The following PRKG1 variants were observed in gnomAD, a reference collection of about 807,000 sequenced individuals.
PRKG1 encodes the protein protein kinase cGMP-dependent 1.
In PRKG1, 35 loss-of-function variants were observed where a neutral mutation model predicts 88.1. The observed-to-expected ratio is 0.40, with a 90% CI of 0.30 to 0.53. The LOEUF is 0.53. Among genes scored for constraint, PRKG1 ranks in the 20% least tolerant of loss-of-function variants. PRKG1 has a pLI of 0.59. For missense variants in PRKG1, 540 were observed against 839.8 expected, an observed-to-expected ratio of 0.64 and a Z score of 4.41; for synonymous variants, 303 against 292.5, an observed-to-expected ratio of 1.04 and a Z score of -0.37.
At chr10:52,003,847 A>C (rs1844660806) in intron 5 of PRKG1, among the ~76,000 whole-genome samples, 1 of 152,190 alleles carries the variant, frequency 6.6e-6, no homozygotes. Context: ...CCTTCTTTGT[A>C]GCTTAGTGCT....
At chr10:51,643,930 A>G (rs1048646932) in intron 3 of PRKG1, among the ~76,000 whole-genome samples, 13 of 152,132 alleles carry the variant, frequency 8.5e-5, no homozygotes, top group Admixed American at 8.5e-4. Flanking sequence ...TGCCCCATCC[A>G]CGTCCCCAGC....
rs551661443 is a variant in PRKG1 at position 52,212,119 on chromosome 10, T to C, written c.1077-39451T>C. Among the ~76,000 whole-genome samples, 5 of 152,194 alleles carry C rather than the reference T, an allele frequency of 3.3e-5. No individual in the cohort carries two copies. In the South Asian group the frequency reaches 1.0e-3, roughly 32 times the overall value. ...AGAACTAGAATAAATTCAGAGCAAC[T>C]CTGGGGCTGCCACATGGTCGGATAA... On this transcript the variant is annotated intron_variant, in intron 9 of 17. Coordinates refer to ENST00000373980, the MANE Select transcript of PRKG1 (RefSeq NM_006258.4).
intron 1 of PRKG1, among the ~76,000 whole-genome samples, chr10:51,010,195 C>A (rs1262321791): frequency 6.6e-6 from 1 of 152,184 alleles, no homozygotes; most frequent in Non-Finnish European, 1.5e-5. Flanking sequence ...GGAGCACGTG[C>A]AGAAAAGCGA....
At chr10:51,635,911 A>G (rs1455210174) in intron 3 of PRKG1, among the ~76,000 whole-genome samples, 2 of 152,198 alleles carry the variant, frequency 1.3e-5, no homozygotes, top group Non-Finnish European at 2.9e-5. Context: ...AATATTTTGC[A>G]CAGTTAATAG....
At chr10:51,339,933 A>G (rs1841966871) in intron 2 of PRKG1, among the ~76,000 whole-genome samples, 1 of 152,114 alleles carries the variant, frequency 6.6e-6, no homozygotes, top group South Asian at 2.1e-4. Context: ...ACTTGCTGAG[A>G]CAAGATGTTA....
At chr10:52,195,008 C>G (rs1007226230) in intron 9 of PRKG1, among the ~76,000 whole-genome samples, 5 of 152,058 alleles carry the variant, frequency 3.3e-5, no homozygotes, top group Non-Finnish European at 5.9e-5. Context: ...TGAGAAAGTA[C>G]CAGTTTAACA....
chr10:51,852,359 T>C (rs1030482919), intron 4 of PRKG1, among the ~76,000 whole-genome samples: 9 of 149,514 alleles, frequency 6.0e-5, no homozygotes, highest in South Asian at 2.1e-4. Flanking sequence ...TACATAGATA[T>C]ACACACACAC....
intron 9 of PRKG1, among the ~76,000 whole-genome samples, chr10:52,241,882 T>G (rs1336120806): frequency 6.6e-6 from 1 of 152,206 alleles, no homozygotes; most frequent in Non-Finnish European, 1.5e-5. Flanking sequence ...ACCCTCCATT[T>G]AACAAATGAC....
At chr10:51,558,081 T>C (rs1172409603) in intron 3 of PRKG1, among the ~76,000 whole-genome samples, 1 of 152,096 alleles carries the variant, frequency 6.6e-6, no homozygotes, top group Non-Finnish European at 1.5e-5. Context: ...TGTGTCTTCA[T>C]CCCTAACTTT....
At chr10:51,233,499 T>C (rs952941796) in intron 2 of PRKG1, among the ~76,000 whole-genome samples, 1 of 152,206 alleles carries the variant, frequency 6.6e-6, no homozygotes, top group Non-Finnish European at 1.5e-5. Context: ...GTATTCCAGA[T>C]GGAATGTTAT....
intron 1 of PRKG1, among the ~76,000 whole-genome samples, chr10:50,998,833 G>A (rs139893031): frequency 0.016 from 2,427 of 152,264 alleles, 35 homozygotes; most frequent in South Asian, 0.041. Flanking sequence ...GAAAATGTAT[G>A]TCTTTTAAAT....
chr10:51,729,914 T>A (rs776788277), intron 3 of PRKG1, among the ~76,000 whole-genome samples: 1 of 152,046 alleles, frequency 6.6e-6, no homozygotes, highest in African/African-American at 2.4e-5. Flanking sequence ...CCAGAGATTT[T>A]TCATGTACTC....
intron 2 of PRKG1, among the ~76,000 whole-genome samples, chr10:51,239,336 A>T (rs1279044499): frequency 5.3e-5 from 8 of 152,228 alleles, no homozygotes; most frequent in Non-Finnish European, 1.5e-5. Context: ...AATAACTAGC[A>T]GGAGAAGAAT....
At chr10:52,270,661 A>G (rs917848691) in intron 10 of PRKG1, among the ~76,000 whole-genome samples, 14 of 146,280 alleles carry the variant, frequency 9.6e-5, no homozygotes, top group Non-Finnish European at 6.0e-5. Flanking sequence ...ATAGGTGGGA[A>G]TTGAACAATG....
At chr10:52,140,907 C>T (rs758327484) in intron 8 of PRKG1, among the ~76,000 whole-genome samples, 2 of 152,136 alleles carry the variant, frequency 1.3e-5, no homozygotes, top group Non-Finnish European at 2.9e-5. Flanking sequence ...CTCCACATGT[C>T]ACATCGCCCG....
At chr10:51,859,026 A>G (rs890743729) in intron 4 of PRKG1, among the ~76,000 whole-genome samples, 3 of 152,148 alleles carry the variant, frequency 2.0e-5, no homozygotes, top group Admixed American at 2.0e-4. Context: ...GGCCTGCTCG[A>G]TAGAACAAAA....
chr10:52,078,649 T>A (rs1170739167), intron 7 of PRKG1, among the ~76,000 whole-genome samples: 2 of 152,246 alleles, frequency 1.3e-5, no homozygotes, highest in Non-Finnish European at 2.9e-5. Context: ...CTGCTATTCT[T>A]ATTCAAAGGA....
At chr10:51,044,305 G>T (rs780162957) in intron 1 of PRKG1, among the ~76,000 whole-genome samples, 1 of 152,280 alleles carries the variant, frequency 6.6e-6, no homozygotes, top group African/African-American at 2.4e-5. Flanking sequence ...TGAGGTGACT[G>T]AAGACCTTGC....
intron 2 of PRKG1, among the ~76,000 whole-genome samples, chr10:51,450,202 A>C (rs1307296156): frequency 6.6e-6 from 1 of 152,016 alleles, no homozygotes; most frequent in Non-Finnish European, 1.5e-5. Flanking sequence ...AAAGTTCTTC[A>C]GTAATAGAAG....
Sources: gnomAD v4.1 joint callset for allele counts (sites outside exome capture counted in the v4.1 genomes callset) on GRCh38, gnomAD v4.1.1 for gene constraint, MANE v1.5 for transcripts, NCBI Gene and HGNC (gene_info 2026-07-23, HGNC 2026-07-21) for gene names.